ZNF721: variants seen among roughly 807,000 people sequenced by gnomAD.
ZNF721 encodes zinc finger protein 721.
Under a neutral mutation model 2.4 loss-of-function variants are expected in ZNF721, and 2 were observed. The observed-to-expected ratio is 0.82, with a 90% confidence interval of 0.34 to 2.58. ZNF721 has a LOEUF of 2.58. Ranked by LOEUF, ZNF721 falls within the 30% of genes most tolerant of loss-of-function variation. The probability of loss-of-function intolerance (pLI) is 0.11; values close to 1 mark genes in which losing one functional copy is unlikely to be tolerated. For missense variants in ZNF721, 1,187 were observed against 1,085.5 expected (o/e 1.09, Z -1.31); for synonymous variants, 398 against 381.8 (o/e 1.04, Z -0.50).
At chr4:459,083 T>A (rs1714936801) in intron 2 of ZNF721, among the ~76,000 whole-genome samples, 1 of 151,954 alleles carries the variant, frequency 6.6e-6, no homozygotes, top group Admixed American at 6.6e-5. Context: ...AAAAATAAAA[T>A]CCTTTACAAA....
At chr4:482,355 A>C (rs1553869666) in intron 1 of ZNF721, among the ~76,000 whole-genome samples, 1 of 151,858 alleles carries the variant, frequency 6.6e-6, no homozygotes, top group African/African-American at 2.4e-5. Flanking sequence ...AGTAGAGAGG[A>C]GGTTTCTCCA....
intron 2 of ZNF721, among the ~76,000 whole-genome samples, chr4:468,213 G>C (rs1715316787): frequency 6.6e-6 from 1 of 151,668 alleles, no homozygotes; most frequent in African/African-American, 2.4e-5. Context: ...CTTGCAGTGA[G>C]CTGAGATAGC....
rs539086252 is a variant in ZNF721 at position 441,241 on chromosome 4, C to A, written c.*454G>T. On this transcript the variant is annotated 3_prime_UTR_variant, in exon 3 of 3. Transcript: ENST00000511833. ...TTCAACAGAAATTACATTTATAATG[C>A]TTTTATTAACTATAAATTTCAAGTA... 7.7e-5 allele frequency: 12 copies of A among 156,568 alleles called. No individual in the cohort carries two copies. Among genetic ancestry groups the A allele is most frequent in the African/African-American group, 2.9e-4 (12 of 41,568 alleles). The allele number at this position is 156,568 out of a possible 1,614,324, so 9.7% of individuals were successfully genotyped here. A position where few individuals can be genotyped will look rare whatever the true frequency, so the allele number is the denominator to read the frequency against.
At chr4:445,411 G>A (rs1553864036) in intron 2 of ZNF721, among the ~76,000 whole-genome samples, 2 of 152,082 alleles carry the variant, frequency 1.3e-5, no homozygotes, top group Admixed American at 1.3e-4. Flanking sequence ...AAGACAACTG[G>A]CTTCAGACTA....
At chr4:446,966 G>GT (rs1245540154) in intron 2 of ZNF721, among the ~76,000 whole-genome samples, 2 of 152,116 alleles carry the variant, frequency 1.3e-5, no homozygotes, top group East Asian at 1.9e-4. Flanking sequence ...GATTACACAC[G>GT]TGAGTCACCG....
At position 442,938 on chromosome 4, in the gene ZNF721, A is replaced by G. The variant is rs781995271; in HGVS notation, c.1529T>C (p.Phe510Ser). The change falls in exon 3 of 3, where the codon TTT becomes TCT. Residue 510 changes from phenylalanine (F) to serine (S), a missense_variant. Transcript: ENST00000511833. Reference protein sequence around the residue: ...PFECLECGKAFTSSTTLTKHR... With the variant: ...PFECLECGKASTSSTTLTKHR... Reference sequence around the variant, plus strand: ...TTTAGTAAGGGTTGTGGAACTAGTAAACGCTTTACCACATTCTAAACATTC... The same window carrying G: ...TTTAGTAAGGGTTGTGGAACTAGTAGACGCTTTACCACATTCTAAACATTC... 13 of 1,613,716 alleles carry G rather than the reference A, an allele frequency of 8.1e-6. No homozygotes were observed. The African/African-American group carries it at 1.7e-4, about 22-fold the overall frequency.
chr4:494,079 T>G lies in ZNF721; in HGVS notation c.-94+4977A>C, dbSNP rs112532339. Among the ~76,000 whole-genome samples the G allele has an allele frequency of 2.4e-3, 361 of 152,274 alleles. 3 individuals are homozygous for G. Among genetic ancestry groups the G allele is most frequent in the African/African-American group, 8.0e-3 (331 of 41,572 alleles). ...AGTATTTAAGTGCTTTTATTTTTCT[T>G]TAAGCCAATTAATTAGAGTTCTTTT... On this transcript the variant is annotated intron_variant, in intron 1 of 2. Transcript: ENST00000511833.
chr4:468,081 C>T (rs1327462024), intron 2 of ZNF721, among the ~76,000 whole-genome samples: 11 of 152,112 alleles, frequency 7.2e-5, no homozygotes, highest in Admixed American at 1.3e-4. Context: ...AGATCGAGAC[C>T]GCGGTGAAAC....
chr4:488,013 T>A (rs1455885823), intron 1 of ZNF721, among the ~76,000 whole-genome samples: 2 of 152,164 alleles, frequency 1.3e-5, no homozygotes, highest in Admixed American at 6.5e-5. Context: ...CCAATTCGCC[T>A]CAGCCTTTGA....
chr4:494,070 T>C (rs1365757020), intron 1 of ZNF721, among the ~76,000 whole-genome samples: 1 of 152,198 alleles, frequency 6.6e-6, no homozygotes, highest in Non-Finnish European at 1.5e-5. Flanking sequence ...TAAGTGCTTT[T>C]ATTTTTCTTT....
chr4:446,335 T>C (rs1412048473), intron 2 of ZNF721, among the ~76,000 whole-genome samples: 2 of 151,998 alleles, frequency 1.3e-5, no homozygotes, highest in Admixed American at 6.6e-5. Flanking sequence ...AAAATATGAT[T>C]ACTGACATCA....
In ZNF721 at chr4:442,643, A is replaced by T. The variant is rs782723203; in HGVS notation, c.1824T>A (p.Thr608=). 1 of 1,613,968 alleles carries T rather than the reference A, an allele frequency of 6.2e-7. No homozygotes were observed. ...CTTCACATTTGTAAAGTTTCTCTCCAGTATGAATTTTCTTGTGTTGATTCA... is the reference window on the plus strand; with the variant it reads ...CTTCACATTTGTAAAGTTTCTCTCCTGTATGAATTTTCTTGTGTTGATTCA... ...TDLNQHKKIH[T]GEKLYKCEEC... The change falls in exon 3 of 3, where the codon ACT becomes ACA. Residue 608 remains threonine, a synonymous_variant. Transcript: ENST00000511833.
chr4:456,045 A>G (rs1445321106), intron 2 of ZNF721, among the ~76,000 whole-genome samples: 1 of 125,916 alleles, frequency 7.9e-6, no homozygotes, highest in Non-Finnish European at 1.6e-5. Context: ...GATCACCAAA[A>G]AAATTTTTAT....
In ZNF721 at chr4:482,064, C is replaced by T. The variant is rs10028859; in HGVS notation, c.-93-9363G>A. On this transcript the variant is annotated intron_variant, in intron 1 of 2. Transcript: ENST00000511833. ...GGTGTATAAATGACCGAATTTTGGG[C>T]GAGTCAGTAAAGGTCACATATGACT... Among the ~76,000 whole-genome samples, 1,238 of 152,202 alleles carry T rather than the reference C, an allele frequency of 8.1e-3. 18 individuals carry two copies. The highest frequency in any genetic ancestry group is 0.028 in the African/African-American group (1,181 of 41,536).
At chr4:493,558 A>G (rs1432865836) in intron 1 of ZNF721, among the ~76,000 whole-genome samples, 1 of 152,126 alleles carries the variant, frequency 6.6e-6, no homozygotes, top group Non-Finnish European at 1.5e-5. Context: ...GCACACCTAT[A>G]GTCCCAGCTA....
intron 1 of ZNF721, among the ~76,000 whole-genome samples, chr4:475,534 T>C (rs1301927874): frequency 1.3e-5 from 2 of 152,212 alleles, no homozygotes; most frequent in African/African-American, 2.4e-5. Flanking sequence ...TAATGCTCTA[T>C]GGTCATTACT....
chr4:465,951 A>G (rs546032801), intron 2 of ZNF721, among the ~76,000 whole-genome samples: 5 of 152,044 alleles, frequency 3.3e-5, no homozygotes, highest in Admixed American at 2.0e-4. Context: ...AATGGTAGTC[A>G]TAAGTTATTT....
chr4:483,995 A>T (rs1459818265), intron 1 of ZNF721, among the ~76,000 whole-genome samples: 2 of 152,174 alleles, frequency 1.3e-5, no homozygotes, highest in Non-Finnish European at 2.9e-5. Context: ...TATTTTTAGT[A>T]GAGACGGGGT....
At chr4:460,627 CA>C (rs199519505) in intron 2 of ZNF721, among the ~76,000 whole-genome samples, 10,377 of 101,264 alleles carry the variant, frequency 0.1, 511 homozygotes, top group African/African-American at 0.23. Context: ...AAGACCCTTT[CA>C]AAAAAAAAAA....
Sources: gnomAD v4.1 joint callset for allele counts (sites outside exome capture counted in the v4.1 genomes callset) on GRCh38, gnomAD v4.1.1 for gene constraint, MANE v1.5 for transcripts, NCBI Gene and HGNC (gene_info 2026-07-23, HGNC 2026-07-21) for gene names.